NFIB: variants seen among roughly 807,000 people sequenced by gnomAD.
NFIB encodes nuclear factor I B.
In NFIB, 11 loss-of-function variants were observed where a neutral mutation model predicts 61.5. The observed-to-expected ratio is 0.18, with a 90% CI of 0.11 to 0.30. The LOEUF is 0.30. Ranked by LOEUF, NFIB falls within the 10% of genes least tolerant of loss-of-function variation. NFIB has a pLI of 1.00. For synonymous variants in NFIB, 260 were observed against 216.5 expected (o/e 1.20, Z -1.76); for missense variants, 471 against 608.9 (o/e 0.77, Z 2.38).
chr9:14,426,733 A>G, the NFIB span, among the ~76,000 whole-genome samples: 1 of 152,098 alleles, frequency 6.6e-6, no homozygotes, highest in African/African-American at 2.4e-5. Flanking sequence ...AAATAAATCC[A>G]TTTGTATCCT....
At chr9:14,418,767 A>C in the NFIB span, among the ~76,000 whole-genome samples, 1 of 152,334 alleles carries the variant, frequency 6.6e-6, no homozygotes. Flanking sequence ...GGCTTTATTA[A>C]GTTTTGTCAT....
chr9:14,432,888 G>C, the NFIB span, among the ~76,000 whole-genome samples: 1 of 152,154 alleles, frequency 6.6e-6, no homozygotes, highest in Non-Finnish European at 1.5e-5. Flanking sequence ...ATTTATTGCA[G>C]TTTTTCTAGA....
chr9:14,145,562 T>A (rs1197539049), intron 6 of NFIB, among the ~76,000 whole-genome samples: 1 of 151,900 alleles, frequency 6.6e-6, no homozygotes. Context: ...GTTATGTGTC[T>A]CCTAAGAGTA....
intron 3 of NFIB, among the ~76,000 whole-genome samples, chr9:14,164,083 T>G (rs1354755509): frequency 6.7e-6 from 1 of 149,418 alleles, no homozygotes; most frequent in African/African-American, 2.5e-5. Flanking sequence ...AAGATGAAAT[T>G]AAACATAAAA....
chr9:14,325,629 T>A (rs1435636381), intron 1 of NFIB, among the ~76,000 whole-genome samples: 2 of 152,080 alleles, frequency 1.3e-5, no homozygotes, highest in Non-Finnish European at 2.9e-5. Context: ...TTCTCAAAAA[T>A]AGAGAAAGTG....
chr9:14,480,865 G>C, the NFIB span, among the ~76,000 whole-genome samples: 1 of 152,046 alleles, frequency 6.6e-6, no homozygotes, highest in African/African-American at 2.4e-5. Context: ...AAGCCTTTCA[G>C]CTTTTGCATC....
At chr9:14,119,944 C>G (rs1385588091) in intron 8 of NFIB, among the ~76,000 whole-genome samples, 1 of 152,176 alleles carries the variant, frequency 6.6e-6, no homozygotes, top group African/African-American at 2.4e-5. Flanking sequence ...AAATGTAAGT[C>G]ATGTCTCTGC....
At chr9:14,344,134 G>GAGAGAGAGAGAGAGAGAA (rs1248077284) in intron 1 of NFIB, among the ~76,000 whole-genome samples, 3 of 148,134 alleles carry the variant, frequency 2.0e-5, no homozygotes, top group African/African-American at 7.6e-5. Flanking sequence ...GAGAGAGAGA[G>GAGAGAGAGAGAGAGAGAA]AAACACTAAG....
At chr9:14,112,373 C>T (rs779718528) in intron 10 of NFIB, among the ~76,000 whole-genome samples, 34 of 152,080 alleles carry the variant, frequency 2.2e-4, no homozygotes, top group Non-Finnish European at 3.8e-4. Context: ...TGGGTAAACA[C>T]TTCATTTGCA....
At chr9:14,476,837 T>A in the NFIB span, among the ~76,000 whole-genome samples, 1 of 152,348 alleles carries the variant, frequency 6.6e-6, no homozygotes, top group Non-Finnish European at 1.5e-5. Flanking sequence ...AAACCTGGAA[T>A]GTTCTTAGAA....
chr9:14,201,352 C>T (rs1365038943), intron 2 of NFIB, among the ~76,000 whole-genome samples: 1 of 152,164 alleles, frequency 6.6e-6, no homozygotes, highest in Non-Finnish European at 1.5e-5. Flanking sequence ...TCACCCTTTA[C>T]CCTCCCCCTC....
the NFIB span, among the ~76,000 whole-genome samples, chr9:14,510,176 G>A: frequency 2.1e-3 from 314 of 152,338 alleles, 3 homozygotes; most frequent in African/African-American, 6.5e-3. Flanking sequence ...GATTACAGGC[G>A]TGAGCCACCG....
intron 3 of NFIB, among the ~76,000 whole-genome samples, chr9:14,159,721 A>C (rs1323374405): frequency 6.6e-6 from 1 of 152,210 alleles, no homozygotes. Context: ...TACAGAAGAC[A>C]ATACTTGAGG....
At chr9:14,297,534 C>T (rs1442700774) in intron 2 of NFIB, among the ~76,000 whole-genome samples, 1 of 152,062 alleles carries the variant, frequency 6.6e-6, no homozygotes, top group Non-Finnish European at 1.5e-5. Flanking sequence ...ACAAACAAAC[C>T]AGAAAGAAAA....
At chr9:14,485,118 G>A in the NFIB span, among the ~76,000 whole-genome samples, 1 of 152,252 alleles carries the variant, frequency 6.6e-6, no homozygotes, top group East Asian at 1.9e-4. Flanking sequence ...CTCCCAAGTA[G>A]GTATTTGACC....
chr9:14,086,313 C>A lies in NFIB; in HGVS notation c.*1996G>T. ...CTCTCAGTACACAAAAGGACCTCAT[C>A]ACACTGCAAAAATAGCAGTACCCAC... On this transcript the variant is annotated 3_prime_UTR_variant, in exon 11 of 11. Transcript: ENST00000380953. The A allele has an allele frequency of 4.5e-6, 1 of 220,840 alleles. No individual in the cohort carries two copies. Among genetic ancestry groups the A allele is most frequent in the South Asian group, 1.9e-4 (1 of 5,400 alleles). 13.7% of individuals were successfully genotyped at this position (220,840 alleles called of 1,614,324 possible).
At chr9:14,166,612 G>A (rs1431970791) in intron 3 of NFIB, among the ~76,000 whole-genome samples, 1 of 152,076 alleles carries the variant, frequency 6.6e-6, no homozygotes, top group Non-Finnish European at 1.5e-5. Context: ...ATAATTTTTA[G>A]CTCATCAAAT....
At chr9:14,188,742 T>C (rs2047640048) in intron 2 of NFIB, among the ~76,000 whole-genome samples, 1 of 152,194 alleles carries the variant, frequency 6.6e-6, no homozygotes, top group South Asian at 2.1e-4. Context: ...TAGGAAAAGA[T>C]GAGATGAATG....
chr9:14,263,988 C>T (rs1454772886), intron 2 of NFIB, among the ~76,000 whole-genome samples: 2 of 152,140 alleles, frequency 1.3e-5, no homozygotes, highest in Non-Finnish European at 2.9e-5. Context: ...ATTTCACTGA[C>T]AGGGCAGAAC....
Sources: allele counts gnomAD v4.1 joint callset (sites outside exome capture counted in the v4.1 genomes callset), GRCh38; gene constraint gnomAD v4.1.1; transcripts MANE v1.5; gene names NCBI Gene and HGNC (gene_info 2026-07-23, HGNC 2026-07-21).